SPOPL: variants seen among roughly 807,000 people sequenced by gnomAD.
SPOPL encodes the protein speckle type BTB/POZ protein like, also known as speckle-type POZ protein-like.
A neutral mutation model predicts 53.8 loss-of-function variants in SPOPL; 23 were observed. The observed-to-expected ratio is 0.43, with a 90% CI of 0.31 to 0.61. The LOEUF (loss-of-function observed/expected upper bound fraction) is 0.61. Among genes scored for constraint, SPOPL ranks in the 20% least tolerant of loss-of-function variants. SPOPL has a pLI of 0.12. For missense variants in SPOPL, 442 were observed against 466.9 expected (o/e 0.95, Z 0.49); for synonymous variants, 164 against 149.7 (o/e 1.10, Z -0.70).
At chr2:138,516,104 TA>T in intron 1 of SPOPL, among the ~76,000 whole-genome samples, 1 of 152,216 alleles carries the variant, frequency 6.6e-6, no homozygotes, top group East Asian at 1.9e-4. Flanking sequence ...ATGAAGCTGC[TA>T]TTCTGCTTTT....
rs931224404 is a variant in SPOPL, at chr2:138,572,325, TATTC to T, written c.*3249_*3252del. The T allele has an allele frequency of 2.6e-5, 4 of 152,592 alleles. No individual in the cohort carries two copies. Among genetic ancestry groups the T allele is most frequent in the African/African-American group, 9.7e-5 (4 of 41,450 alleles). 9.5% of individuals were successfully genotyped at this position (152,592 alleles called of 1,614,324 possible). ...GATCTCAAAAAGTTGTCATGAACATTATTCATTTATTTTTAAACTGGATCTAAAT... is the reference window on the plus strand; with the variant it reads ...GATCTCAAAAAGTTGTCATGAACATTATTTATTTTTAAACTGGATCTAAAT... On this transcript the variant is annotated 3_prime_UTR_variant, in exon 11 of 11. Transcript: ENST00000280098.
intron 1 of SPOPL, among the ~76,000 whole-genome samples, chr2:138,521,743 G>A (rs913472953): frequency 6.6e-6 from 1 of 152,170 alleles, no homozygotes; most frequent in Non-Finnish European, 1.5e-5. Flanking sequence ...TCTATAAAAT[G>A]TAATTAAAAC....
chr2:138,545,314 G>A (rs146381571), intron 1 of SPOPL, among the ~76,000 whole-genome samples: 67 of 152,236 alleles, frequency 4.4e-4, no homozygotes, highest in African/African-American at 1.3e-3. Flanking sequence ...TGACTTGGGC[G>A]GACCACCAAA....
intron 1 of SPOPL, among the ~76,000 whole-genome samples, chr2:138,524,569 T>C (rs1684629001): frequency 6.6e-6 from 1 of 152,208 alleles, no homozygotes; most frequent in African/African-American, 2.4e-5. Context: ...ACTGAATGCC[T>C]TTAACAGCAC....
chr2:138,522,656 T>A (rs186041667), intron 1 of SPOPL, among the ~76,000 whole-genome samples: 2 of 152,188 alleles, frequency 1.3e-5, no homozygotes, highest in African/African-American at 2.4e-5. Flanking sequence ...ACTGCATCTT[T>A]AACCACCCCC....
At chr2:138,536,096 T>C (rs1396448812) in intron 1 of SPOPL, among the ~76,000 whole-genome samples, 2 of 152,332 alleles carry the variant, frequency 1.3e-5, no homozygotes, top group East Asian at 3.9e-4. Context: ...TTAATGGCTA[T>C]TTGGAATGCT....
chr2:138,538,598 A>G lies in SPOPL; in HGVS notation c.-60-11559A>G, dbSNP rs57718834. On this transcript the variant is annotated intron_variant, in intron 1 of 10. Coordinates refer to ENST00000280098, the MANE Select transcript of SPOPL (RefSeq NM_001001664.3). ...TGATTTCCATACACAAGAACCCTTA[A>G]AAATATTCTTCCAGTCTTTTCACAT... Among the ~76,000 whole-genome samples the G allele has an allele frequency of 4.6e-3, 697 of 152,254 alleles. 4 individuals are homozygous for G. The highest frequency in any genetic ancestry group is 0.016 in the African/African-American group (671 of 41,538).
In SPOPL at chr2:138,556,939, G is replaced by A. The variant is rs181427498; in HGVS notation, c.481-2083G>A. 4.3e-3 allele frequency among the ~76,000 whole-genome samples: 651 copies of A among 152,134 alleles called. 5 individuals carry two copies. The highest frequency in any genetic ancestry group is 6.8e-3 in the Non-Finnish European group (462 of 67,990). On this transcript the variant is annotated intron_variant, in intron 5 of 10. Coordinates refer to ENST00000280098, the MANE Select transcript of SPOPL (RefSeq NM_001001664.3). ...TGGGAGGCTGAGGCGGGTAGATCAC[G>A]AGGTCAAGAGATCGAGACCATCCTG... is the stretch of plus-strand genomic sequence containing the variant.
intron 1 of SPOPL, among the ~76,000 whole-genome samples, chr2:138,543,451 T>C (rs1282435219): frequency 6.6e-6 from 1 of 152,216 alleles, no homozygotes; most frequent in Non-Finnish European, 1.5e-5. Context: ...TTCTTTTTTC[T>C]CTAAGCTTCT....
intron 1 of SPOPL, among the ~76,000 whole-genome samples, chr2:138,510,698 T>C (rs141423840): frequency 6.6e-6 from 1 of 152,344 alleles, no homozygotes; most frequent in East Asian, 1.9e-4. Context: ...TAAAGTATAA[T>C]TAAGTGATCT....
At chr2:138,554,386 C>A in intron 5 of SPOPL, 3 of 1,056,940 alleles carry the variant, frequency 2.8e-6, no homozygotes, top group South Asian at 1.9e-5. Context: ...TAACATTCTT[C>A]ATGCCCTCCA....
At chr2:138,548,596 A>G (rs1685247841) in intron 1 of SPOPL, among the ~76,000 whole-genome samples, 1 of 151,734 alleles carries the variant, frequency 6.6e-6, no homozygotes, top group Non-Finnish European at 1.5e-5. Flanking sequence ...ATTTAGTTTT[A>G]ATTTTTATTT....
intron 1 of SPOPL, among the ~76,000 whole-genome samples, chr2:138,549,575 G>T (rs372370175): frequency 6.6e-6 from 1 of 151,988 alleles, no homozygotes; most frequent in Non-Finnish European, 1.5e-5. Flanking sequence ...AGTACGTCTC[G>T]GCAAGAAGCA....
At chr2:138,550,838 T>C in intron 3 of SPOPL, 65 bp from the exon 4 acceptor site, 1 of 1,535,936 alleles carries the variant, frequency 6.5e-7, no homozygotes, top group South Asian at 1.3e-5. Flanking sequence ...TCTCTCTCTC[T>C]CTCTCTCTCT....
At chr2:138,544,744 C>A (rs1338730725) in intron 1 of SPOPL, among the ~76,000 whole-genome samples, 1 of 152,222 alleles carries the variant, frequency 6.6e-6, no homozygotes, top group Non-Finnish European at 1.5e-5. Flanking sequence ...CACTGTCCTG[C>A]ACCCACTTTC....
chr2:138,530,836 G>A (rs992850191), intron 1 of SPOPL, among the ~76,000 whole-genome samples: 1 of 151,806 alleles, frequency 6.6e-6, no homozygotes, highest in Non-Finnish European at 1.5e-5. Flanking sequence ...GTACTGGATA[G>A]GACCTCTAGT....
intron 10 of SPOPL, among the ~76,000 whole-genome samples, chr2:138,567,413 G>A (rs1206941338): frequency 1.3e-5 from 2 of 149,436 alleles, no homozygotes; most frequent in African/African-American, 4.9e-5. Context: ...GTGTGTGTGT[G>A]TGTGTGTGTG....
intron 1 of SPOPL, among the ~76,000 whole-genome samples, chr2:138,525,660 A>AC (rs1440749631): frequency 1.1e-5 from 1 of 95,126 alleles, no homozygotes; most frequent in Non-Finnish European, 2.2e-5. Context: ...AAAGTAGAAA[A>AC]AAAAAAAAAA....
intron 1 of SPOPL, among the ~76,000 whole-genome samples, chr2:138,529,347 G>A (rs1283106932): frequency 1.3e-5 from 2 of 152,118 alleles, no homozygotes; most frequent in African/African-American, 4.8e-5. Context: ...TTTTCTCTGT[G>A]TACTTCTATA....
Sources: allele counts gnomAD v4.1 joint callset (sites outside exome capture counted in the v4.1 genomes callset), GRCh38; gene constraint gnomAD v4.1.1; transcripts MANE v1.5; gene names NCBI Gene and HGNC (gene_info 2026-07-23, HGNC 2026-07-21).